The following HIVEP3 variants were observed in gnomAD, a reference collection of about 807,000 sequenced individuals.
The protein encoded by HIVEP3 is HIVEP zinc finger 3, also known as transcription factor HIVEP3.
Under a neutral mutation model 152.8 loss-of-function variants are expected in HIVEP3, and 49 were observed. The ratio of observed to expected loss-of-function variants is 0.32; its 90% confidence interval spans 0.26 to 0.41. The LOEUF is 0.41. Ranked by LOEUF, HIVEP3 falls within the 10% of genes least tolerant of loss-of-function variation. The probability of loss-of-function intolerance (pLI) is 1.00; values close to 1 mark genes in which losing one functional copy is unlikely to be tolerated. For missense variants in HIVEP3, 2,790 were observed against 3,103.3 expected, an observed-to-expected ratio of 0.90 and a Z score of 2.40; for synonymous variants, 1,269 against 1,289.0, an observed-to-expected ratio of 0.98 and a Z score of 0.33.
At chr1:41,686,633 C>T (rs1247315893) in intron 2 of HIVEP3, among the ~76,000 whole-genome samples, 1 of 152,130 alleles carries the variant, frequency 6.6e-6, no homozygotes, top group Non-Finnish European at 1.5e-5. Context: ...CATGCAAAAG[C>T]CCAGCCTCTT....
At chr1:41,517,561 C>T (rs1169080102) in intron 7 of HIVEP3, among the ~76,000 whole-genome samples, 1 of 146,612 alleles carries the variant, frequency 6.8e-6, no homozygotes, top group Non-Finnish European at 1.5e-5. Flanking sequence ...TGCATACACA[C>T]TCCTCTCTGT....
chr1:42,031,724 T>G (rs953182947), intron 1 of HIVEP3, among the ~76,000 whole-genome samples: 7 of 151,940 alleles, frequency 4.6e-5, no homozygotes, highest in African/African-American at 1.7e-4. Context: ...CCCCAAAAAA[T>G]GAGATTATAC....
At chr1:41,705,396 G>A (rs1001869396) in intron 1 of HIVEP3, among the ~76,000 whole-genome samples, 1 of 152,194 alleles carries the variant, frequency 6.6e-6, no homozygotes, top group African/African-American at 2.4e-5. Context: ...ATCCACACTG[G>A]ATCTTCAGGA....
intron 1 of HIVEP3, among the ~76,000 whole-genome samples, chr1:41,838,001 T>A (rs1478674935): frequency 6.6e-6 from 1 of 152,190 alleles, no homozygotes; most frequent in Admixed American, 6.5e-5. Flanking sequence ...TGCTTTGGAA[T>A]ACCATGTTCC....
chr1:41,701,032 C>T (rs1361830044), intron 1 of HIVEP3, 37 bp from the exon 2 acceptor site: 5 of 917,048 alleles, frequency 5.5e-6, no homozygotes, highest in African/African-American at 1.8e-5. Context: ...ATTATGCCAC[C>T]GCCATCTGTC....
chr1:41,622,242 G>A (rs1025956520), intron 3 of HIVEP3, among the ~76,000 whole-genome samples: 10 of 152,194 alleles, frequency 6.6e-5, no homozygotes, highest in South Asian at 2.1e-4. Flanking sequence ...GACCAGGGTA[G>A]AAATAAAGAC....
At chr1:41,797,657 C>T (rs543154054) in intron 1 of HIVEP3, among the ~76,000 whole-genome samples, 28 of 152,154 alleles carry the variant, frequency 1.8e-4, no homozygotes, top group Non-Finnish European at 3.5e-4. Context: ...GAACTGAGGG[C>T]TTCTCATGAA....
At chr1:41,930,368 T>G (rs1265837511) in intron 1 of HIVEP3, among the ~76,000 whole-genome samples, 1 of 152,224 alleles carries the variant, frequency 6.6e-6, no homozygotes, top group Admixed American at 6.5e-5. Flanking sequence ...TCCTATGGAA[T>G]AGTAAAATAT....
chr1:41,510,331 G>A lies in HIVEP3; in HGVS notation c.*120C>T, dbSNP rs923891144. The A allele has an allele frequency of 3.4e-5, 28 of 833,448 alleles. No individual in the cohort carries two copies. The highest frequency in any genetic ancestry group is 6.9e-5 in the South Asian group (2 of 29,108). The allele number at this position is 833,448 out of a possible 1,614,324, so 51.6% of individuals were successfully genotyped here. A position where few individuals can be genotyped will look rare whatever the true frequency, so the allele number is the denominator to read the frequency against. ...ATGGGAAGGTACAACAGATGGGGCC[G>A]TGAGAGCTCCTGGACGGAGGGACAG... On this transcript the variant is annotated 3_prime_UTR_variant, in exon 9 of 9. Coordinates refer to ENST00000372583, the MANE Select transcript of HIVEP3 (RefSeq NM_024503.5).
intron 3 of HIVEP3, among the ~76,000 whole-genome samples, chr1:41,627,111 G>A (rs561522882): frequency 6.6e-6 from 1 of 152,226 alleles, no homozygotes; most frequent in Non-Finnish European, 1.5e-5. Context: ...GGGGCCAGAG[G>A]GCAGGGCATG....
intron 5 of HIVEP3, among the ~76,000 whole-genome samples, chr1:41,545,770 TCACCAC>T (rs1160650948): frequency 5.8e-4 from 27 of 46,272 alleles, no homozygotes; most frequent in Non-Finnish European, 4.7e-4. Flanking sequence ...ACCACTACCA[TCACCAC>T]CACCACCACC....
intron 1 of HIVEP3, among the ~76,000 whole-genome samples, chr1:41,875,619 C>T (rs924474564): frequency 2.6e-5 from 4 of 152,210 alleles, no homozygotes; most frequent in African/African-American, 7.2e-5. Flanking sequence ...TCTTGTGCCC[C>T]GAGCTTCAGG....
chr1:41,715,793 C>A (rs187022489), intron 1 of HIVEP3, among the ~76,000 whole-genome samples: 3 of 152,312 alleles, frequency 2.0e-5, no homozygotes, highest in Non-Finnish European at 2.9e-5. Flanking sequence ...TTATCAAACA[C>A]CAGGCTTCAT....
rs114609714 is a variant in HIVEP3 at position 41,762,162 on chromosome 1, G to A, written c.-800-61167C>T. Reference sequence around the variant, plus strand: ...TCCATTCTGAGCCCATAAAAGCCCCGGACCCAGCCACATTGAGGGAGAGAG... The same window carrying A: ...TCCATTCTGAGCCCATAAAAGCCCCAGACCCAGCCACATTGAGGGAGAGAG... On this transcript the variant is annotated intron_variant, in intron 1 of 8. Coordinates refer to ENST00000372583, the MANE Select transcript of HIVEP3 (RefSeq NM_024503.5). Among the ~76,000 whole-genome samples, 831 of 152,180 alleles carry A rather than the reference G, an allele frequency of 5.5e-3. 3 individuals are homozygous for A. The highest frequency in any genetic ancestry group is 0.017 in the African/African-American group (686 of 41,504).
chr1:41,896,943 A>G (rs1440643926), intron 1 of HIVEP3, among the ~76,000 whole-genome samples: 1 of 152,172 alleles, frequency 6.6e-6, no homozygotes, highest in African/African-American at 2.4e-5. Context: ...TTTGGAAAGA[A>G]GTGGTCCCTG....
chr1:41,859,452 C>A lies in HIVEP3; in HGVS notation c.-801+58961G>T, dbSNP rs1308088703. On this transcript the variant is annotated intron_variant, in intron 1 of 8. Coordinates refer to ENST00000372583, the MANE Select transcript of HIVEP3 (RefSeq NM_024503.5). ...AAAAATGGGGTCATATTCTACATACCGCTTAGTACCTATTTTCCACTCCAC... is the reference window on the plus strand; with the variant it reads ...AAAAATGGGGTCATATTCTACATACAGCTTAGTACCTATTTTCCACTCCAC... Among the ~76,000 whole-genome samples the A allele has an allele frequency of 2.0e-5, 3 of 152,008 alleles. No homozygotes were observed. The East Asian group carries it at 5.8e-4, about 29-fold the overall frequency.
intron 1 of HIVEP3, among the ~76,000 whole-genome samples, chr1:41,805,974 G>A (rs992575077): frequency 9.2e-5 from 14 of 152,090 alleles, no homozygotes; most frequent in African/African-American, 2.4e-4. Context: ...ACTCCCTCCC[G>A]TGTCTGGTAC....
At chr1:41,782,069 G>A (rs1427404328) in intron 1 of HIVEP3, among the ~76,000 whole-genome samples, 1 of 152,250 alleles carries the variant, frequency 6.6e-6, no homozygotes, top group Non-Finnish European at 1.5e-5. Flanking sequence ...TTTGATGGAT[G>A]AATCGTTCAA....
chr1:41,986,360 A>G (rs1051699914), intron 1 of HIVEP3, among the ~76,000 whole-genome samples: 8 of 152,158 alleles, frequency 5.3e-5, no homozygotes, highest in African/African-American at 1.4e-4. Context: ...GCTTCCATGC[A>G]TAACACTGAA....
Sources: gnomAD v4.1 joint callset for allele counts (sites outside exome capture counted in the v4.1 genomes callset) on GRCh38, gnomAD v4.1.1 for gene constraint, MANE v1.5 for transcripts, NCBI Gene and HGNC (gene_info 2026-07-23, HGNC 2026-07-21) for gene names.